The following RGS6 variants were observed in gnomAD, a reference collection of about 807,000 sequenced individuals.
RGS6 encodes the protein regulator of G protein signaling 6, also known as regulator of G-protein signaling 6.
RGS6 carries 30 observed loss-of-function variants against 78.5 expected under a neutral mutation model. The observed-to-expected ratio is 0.38, with a 90% CI of 0.29 to 0.52. The LOEUF is 0.52. Ranked by LOEUF, RGS6 falls within the 20% of genes least tolerant of loss-of-function variation. The pLI is 0.85. For missense variants in RGS6, 495 were observed against 609.7 expected (o/e 0.81, Z 1.98); for synonymous variants, 206 against 206.0 (o/e 1.00, Z 0.00).
chr14:72,391,761 C>A lies in RGS6; in HGVS notation c.184+39567C>A, dbSNP rs548861466. Among the ~76,000 whole-genome samples, 115 of 152,314 alleles carry A rather than the reference C, an allele frequency of 7.6e-4. 1 individual carries two copies. Among genetic ancestry groups the A allele is most frequent in the African/African-American group, 2.6e-3 (108 of 41,570 alleles). On this transcript the variant is annotated intron_variant, in intron 3 of 17. Coordinates refer to ENST00000553525, the MANE Select transcript of RGS6 (RefSeq NM_001204424.2). ...TATCTCTCCCCTAGGCCTCCACCCCCTGACAGGCCCTGGTGTGTGATGTTC... is the reference window on the plus strand; with the variant it reads ...TATCTCTCCCCTAGGCCTCCACCCCATGACAGGCCCTGGTGTGTGATGTTC...
chr14:72,321,632 G>A (rs2072067013), intron 2 of RGS6, among the ~76,000 whole-genome samples: 2 of 151,992 alleles, frequency 1.3e-5, no homozygotes. Flanking sequence ...GTGATAAGAT[G>A]TATCATTCAC....
chr14:71,901,864 G>A, the RGS6 span, among the ~76,000 whole-genome samples: 2 of 152,190 alleles, frequency 1.3e-5, no homozygotes, highest in African/African-American at 4.8e-5. Context: ...GCCAATGATT[G>A]GTTTAGAAAC....
At chr14:71,954,712 A>G (rs1002369382) in intron 1 of RGS6, among the ~76,000 whole-genome samples, 2 of 152,290 alleles carry the variant, frequency 1.3e-5, no homozygotes, top group Non-Finnish European at 2.9e-5. Context: ...GAGCCCATGG[A>G]AAGCCTTCTT....
At chr14:72,024,726 A>T (rs1441629538) in intron 2 of RGS6, among the ~76,000 whole-genome samples, 1 of 152,214 alleles carries the variant, frequency 6.6e-6, no homozygotes, top group African/African-American at 2.4e-5. Flanking sequence ...AGTAACACAG[A>T]TAAGTGAGTT....
chr14:71,937,524 G>A (rs1269147595), intron 1 of RGS6, among the ~76,000 whole-genome samples: 1 of 152,186 alleles, frequency 6.6e-6, no homozygotes, highest in Non-Finnish European at 1.5e-5. Context: ...TCACCTAGTT[G>A]GCATTGTAAT....
intron 2 of RGS6, among the ~76,000 whole-genome samples, chr14:72,312,245 G>A (rs972269431): frequency 3.0e-5 from 3 of 100,956 alleles, no homozygotes; most frequent in Non-Finnish European, 5.8e-5. Flanking sequence ...TTTTTTTTTG[G>A]TACTCAGCCC....
At position 72,540,213 on chromosome 14, in the gene RGS6, T is replaced by G. The variant is rs776542032; in HGVS notation, c.1422+119T>G. On this transcript the variant is annotated intron_variant, in intron 17 of 17. Transcript: ENST00000553525. ...TCCTTTGGGGTGGGAGGGAGTCCAGTGCTTTCTCCCTCGACTCAGCCCTTT... is the reference window on the plus strand; with the variant it reads ...TCCTTTGGGGTGGGAGGGAGTCCAGGGCTTTCTCCCTCGACTCAGCCCTTT... 3.3e-6 allele frequency: 5 copies of G among 1,500,200 alleles called. No homozygotes were observed. In the Admixed American group the frequency reaches 6.0e-5, roughly 18 times the overall value. 92.9% of individuals were successfully genotyped at this position (1,500,200 alleles called of 1,614,324 possible). A position where few individuals can be genotyped will look rare whatever the true frequency, so the allele number is the denominator to read the frequency against.
chr14:72,067,706 T>C (rs924924434), intron 2 of RGS6, among the ~76,000 whole-genome samples: 20 of 152,208 alleles, frequency 1.3e-4, no homozygotes, highest in Admixed American at 3.3e-4. Flanking sequence ...AAATAAAGTT[T>C]ATTTTCAAAA....
At chr14:72,550,510 T>A in intron 17 of RGS6, 1 of 1,535,642 alleles carries the variant, frequency 6.5e-7, no homozygotes, top group Non-Finnish European at 8.7e-7. Context: ...TCATAGCACA[T>A]TACACTGGGA....
intron 2 of RGS6, among the ~76,000 whole-genome samples, chr14:72,247,449 G>A (rs1182754421): frequency 6.6e-6 from 1 of 152,164 alleles, no homozygotes; most frequent in Non-Finnish European, 1.5e-5. Context: ...TAAAACTTCG[G>A]TCTGAGTGAC....
the RGS6 span, among the ~76,000 whole-genome samples, chr14:72,592,981 C>T: frequency 9.9e-5 from 15 of 152,202 alleles, no homozygotes; most frequent in Non-Finnish European, 5.9e-5. Context: ...GATGTGGTCA[C>T]AGTGGGCCCT....
the RGS6 span, among the ~76,000 whole-genome samples, chr14:72,583,569 G>T: frequency 6.6e-6 from 1 of 152,180 alleles, no homozygotes; most frequent in Non-Finnish European, 1.5e-5. Flanking sequence ...ACAGTCTTCT[G>T]AGCTGGTGTT....
intron 2 of RGS6, among the ~76,000 whole-genome samples, chr14:71,976,253 T>A (rs1233892320): frequency 6.6e-6 from 1 of 151,346 alleles, no homozygotes; most frequent in Non-Finnish European, 1.5e-5. Flanking sequence ...TTATTTATTT[T>A]ATTTTTTATT....
At chr14:72,258,993 C>T (rs530071141) in intron 2 of RGS6, among the ~76,000 whole-genome samples, 52 of 152,224 alleles carry the variant, frequency 3.4e-4, no homozygotes, top group African/African-American at 1.3e-3. Context: ...AGATTGGGAA[C>T]ACAGTAGGGA....
intron 2 of RGS6, among the ~76,000 whole-genome samples, chr14:72,230,163 A>G (rs1406296291): frequency 1.3e-5 from 2 of 152,230 alleles, no homozygotes. Flanking sequence ...TGGGCTAGGC[A>G]GAACAGCTAA....
chr14:72,271,457 A>G (rs1417098129), intron 2 of RGS6, among the ~76,000 whole-genome samples: 1 of 152,196 alleles, frequency 6.6e-6, no homozygotes, highest in Non-Finnish European at 1.5e-5. Context: ...CATGGGAATT[A>G]TGGGAGCTAC....
At chr14:72,451,908 C>G (rs1180006242) in intron 3 of RGS6, among the ~76,000 whole-genome samples, 1 of 152,076 alleles carries the variant, frequency 6.6e-6, no homozygotes, top group Non-Finnish European at 1.5e-5. Flanking sequence ...TGTGGCACCA[C>G]GCCTGGCTAA....
intron 3 of RGS6, among the ~76,000 whole-genome samples, chr14:72,411,474 G>A (rs2093408594): frequency 1.3e-5 from 2 of 152,156 alleles, no homozygotes; most frequent in Non-Finnish European, 1.5e-5. Context: ...GAGCTGAGAT[G>A]ATGGGGTTTT....
In RGS6 at chr14:71,992,054, A is replaced by G. The variant is rs550402074; in HGVS notation, c.84+27179A>G. ...TTTTTTTTTTGAGACAGAGTGAGAC[A>G]GAGTCTTACTCTGTCACCCAGGCTG... On this transcript the variant is annotated intron_variant, in intron 2 of 17. Coordinates refer to ENST00000553525, the MANE Select transcript of RGS6 (RefSeq NM_001204424.2). Among the ~76,000 whole-genome samples, 199 of 148,104 alleles carry G rather than the reference A, an allele frequency of 1.3e-3. 1 individual carries two copies. Among genetic ancestry groups the G allele is most frequent in the South Asian group, 1.9e-3 (9 of 4,650 alleles).
Sources: gnomAD v4.1 joint callset for allele counts (sites outside exome capture counted in the v4.1 genomes callset) on GRCh38, gnomAD v4.1.1 for gene constraint, MANE v1.5 for transcripts, NCBI Gene and HGNC (gene_info 2026-07-23, HGNC 2026-07-21) for gene names.